ASXL2: variants seen among roughly 807,000 people sequenced by gnomAD.
The protein encoded by ASXL2 is putative Polycomb group protein ASXL2.
In ASXL2, 23 loss-of-function variants were observed where a neutral mutation model predicts 122.0. That is an observed-to-expected ratio of 0.19 (90% CI 0.14 to 0.27). ASXL2 has a LOEUF of 0.27. Ranked by LOEUF, ASXL2 falls within the 10% of genes least tolerant of loss-of-function variation. The probability of loss-of-function intolerance (pLI) is 1.00; values close to 1 mark genes in which losing one functional copy is unlikely to be tolerated. For synonymous variants in ASXL2, 650 were observed against 637.0 expected, an observed-to-expected ratio of 1.02 and a Z score of -0.31; for missense variants, 1,518 against 1,713.8, an observed-to-expected ratio of 0.89 and a Z score of 2.02.
intron 9 of ASXL2, 132 bp downstream of exon 9, chr2:25,759,350 A>T: frequency 1.1e-6 from 1 of 926,472 alleles, no homozygotes; most frequent in Non-Finnish European, 1.5e-6. Flanking sequence ...TTTTTTCCTA[A>T]GCCTTAAAAA....
At chr2:25,845,589 ATTATTTC>A in intron 1 of ASXL2, 26 bp from the exon 2 acceptor site, 1 of 980,212 alleles carries the variant, frequency 1.0e-6, no homozygotes, top group Non-Finnish European at 1.4e-6. Flanking sequence ...ATAATAATAA[ATTATTTC>A]TTATTTCAAG....
At chr2:25,794,565 T>C (rs1360590598) in intron 5 of ASXL2, among the ~76,000 whole-genome samples, 1 of 152,208 alleles carries the variant, frequency 6.6e-6, no homozygotes, top group African/African-American at 2.4e-5. Flanking sequence ...GTCTTCCACT[T>C]TACACAGAAA....
intron 3 of ASXL2, among the ~76,000 whole-genome samples, chr2:25,814,909 A>G (rs75680827): frequency 0.035 from 5,273 of 152,216 alleles, 159 homozygotes; most frequent in African/African-American, 0.08. Context: ...CACTTTAAAC[A>G]CCCTTAATTT....
At position 25,743,389 on chromosome 2, in the gene ASXL2, G is replaced by A. The variant is rs773667768; in HGVS notation, c.2948C>T (p.Thr983Ile). ...TCCCATCCCCCTTTCCTCTTTTGCA[G>A]TCAGTGGAACCGTTTTCATTTCAAC... The part of the protein sequence containing the change: ...TKVEMKTVPL[T>I]AKEERGMGAL... The change falls in exon 13 of 13, where the codon ACT becomes ATT. Residue 983 changes from threonine (T) to isoleucine (I), a missense_variant. Thr to Ile is a moderately conservative substitution (Grantham distance 89). Transcript: ENST00000435504. 1 of 1,613,958 alleles carries A rather than the reference G, an allele frequency of 6.2e-7. No homozygotes were observed. Among genetic ancestry groups the A allele is most frequent in the Admixed American group, 1.7e-5 (1 of 60,024 alleles).
At chr2:25,783,515 A>T (rs1446517084) in intron 5 of ASXL2, among the ~76,000 whole-genome samples, 1 of 149,804 alleles carries the variant, frequency 6.7e-6, no homozygotes, top group Non-Finnish European at 1.5e-5. Context: ...CATTTTTTTT[A>T]TTATAAATTA....
rs563741243 is a variant in ASXL2, at chr2:25,759,566, T to C, written c.855A>G (p.Ala285=). 1.9e-6 allele frequency: 3 copies of C among 1,613,992 alleles called. No individual in the cohort carries two copies. The highest frequency in any genetic ancestry group is 1.7e-5 in the Admixed American group (1 of 60,028). Residue 285 remains alanine (A), a synonymous_variant, in exon 9 of 13, where the codon GCA becomes GCG. Coordinates refer to ENST00000435504, the MANE Select transcript of ASXL2 (RefSeq NM_018263.6). ...CTGAAAATGTGTGCTTGTTGATCAG[T>C]GCTCGCAGATTTGTATTAACCAGAA... The part of the protein sequence containing the change: ...DSILVNTNLR[A]LINKHTFSVL...
At chr2:25,874,152 T>G (rs2089991480) in intron 1 of ASXL2, among the ~76,000 whole-genome samples, 1 of 151,986 alleles carries the variant, frequency 6.6e-6, no homozygotes, top group Non-Finnish European at 1.5e-5. Context: ...AAGACCAGCC[T>G]GGGAAACTTG....
rs1362800922 is a variant in ASXL2 at position 25,740,901 on chromosome 2, A to T, written c.*1128T>A. ...TCCTGTTCAGATGCCTGGGAGGTCA[A>T]AACAGGTTGAACAGAATGAACAAAT... On this transcript the variant is annotated 3_prime_UTR_variant, in exon 13 of 13. Transcript: ENST00000435504. 1 of 192,050 alleles carries T rather than the reference A, an allele frequency of 5.2e-6. No individual in the cohort carries two copies. The highest frequency in any genetic ancestry group is 1.1e-5 in the Non-Finnish European group (1 of 91,910). The allele number at this position is 192,050 out of a possible 1,614,324, so 11.9% of individuals were successfully genotyped here.
chr2:25,767,055 G>A (rs910661460), intron 8 of ASXL2, among the ~76,000 whole-genome samples: 1 of 152,008 alleles, frequency 6.6e-6, no homozygotes, highest in Non-Finnish European at 1.5e-5. Flanking sequence ...GACATCTCTT[G>A]CCCAGCTGTG....
At chr2:25,842,812 G>GT (rs1169367029) in intron 2 of ASXL2, among the ~76,000 whole-genome samples, 6 of 148,640 alleles carry the variant, frequency 4.0e-5, no homozygotes, top group Non-Finnish European at 6.0e-5. Flanking sequence ...ATATATATAT[G>GT]TTTTTTTTGT....
intron 5 of ASXL2, among the ~76,000 whole-genome samples, chr2:25,790,501 A>C (rs1304787822): frequency 6.6e-6 from 1 of 152,106 alleles, no homozygotes; most frequent in East Asian, 1.9e-4. Context: ...CTTTTCTCAC[A>C]AAGTGGTACT....
chr2:25,778,537 T>A (rs1278404736), intron 5 of ASXL2, among the ~76,000 whole-genome samples: 1 of 152,216 alleles, frequency 6.6e-6, no homozygotes, highest in African/African-American at 2.4e-5. Context: ...TTCAGAAAAC[T>A]CATACAATAC....
rs1395365235 is a variant in ASXL2, at chr2:25,737,066, A to C, written c.*4963T>G. The C allele has an allele frequency of 6.6e-6, 1 of 152,146 alleles. No individual in the cohort carries two copies. The highest frequency in any genetic ancestry group is 2.4e-5 in the African/African-American group (1 of 41,432). The allele number at this position is 152,146 out of a possible 1,614,324, so 9.4% of individuals were successfully genotyped here. Reference sequence around the variant, plus strand: ...TACCCTTCCTGACCCAGAGGAGTTCAAAATTCAAGTGTCAAATGCTGAAAT... The same window carrying C: ...TACCCTTCCTGACCCAGAGGAGTTCCAAATTCAAGTGTCAAATGCTGAAAT... On this transcript the variant is annotated 3_prime_UTR_variant, in exon 13 of 13. Coordinates refer to ENST00000435504, the MANE Select transcript of ASXL2 (RefSeq NM_018263.6).
Position 25,743,134 on chromosome 2 carries a change from T to C in ASXL2, c.3203A>G (p.Gln1068Arg). The C allele has an allele frequency of 6.2e-7, 1 of 1,614,054 alleles. No individual in the cohort carries two copies. The highest frequency in any genetic ancestry group is 8.5e-7 in the Non-Finnish European group (1 of 1,179,908). ...LSKATQDQILQTLIQRVRRQN... is the reference protein window; with the variant it reads ...LSKATQDQILRTLIQRVRRQN... Reference sequence around the variant, plus strand: ...CCTCCGAACCCTCTGAATGAGAGTCTGAAGGATCTGATCTTGGGTTGCTTT... The same window carrying C: ...CCTCCGAACCCTCTGAATGAGAGTCCGAAGGATCTGATCTTGGGTTGCTTT... The change falls in exon 13 of 13, where the codon CAG (glutamine) becomes CGG (arginine). Residue 1068 changes from glutamine (Q) to arginine (R), a missense_variant. This residue lies in a region of ASXL2 where 831 missense variants were observed against 833.1 expected (regional missense o/e 1.00). Transcript: ENST00000435504.
intron 8 of ASXL2, among the ~76,000 whole-genome samples, chr2:25,765,860 T>C (rs368067031): frequency 2.0e-5 from 3 of 152,230 alleles, no homozygotes; most frequent in South Asian, 2.1e-4. Context: ...ATTTCTTCCA[T>C]AGATATTTAA....
chr2:25,841,205 G>A (rs1044391016), intron 2 of ASXL2, among the ~76,000 whole-genome samples: 1 of 152,108 alleles, frequency 6.6e-6, no homozygotes, highest in Non-Finnish European at 1.5e-5. Flanking sequence ...CTGAGGTCAT[G>A]GGACTGCTTG....
In ASXL2 at chr2:25,833,762, A is replaced by C. The variant is rs144225441; in HGVS notation, c.143+1776T>G. Among the ~76,000 whole-genome samples, 767 of 152,174 alleles carry C rather than the reference A, an allele frequency of 5.0e-3. 5 individuals carry two copies. The highest frequency in any genetic ancestry group is 8.6e-3 in the Admixed American group (131 of 15,292). ...TCCCCTACTGGAAATAGTCTTGGTAAGACTGTCCATCAAGATATCTCACCA... is the reference window on the plus strand; with the variant it reads ...TCCCCTACTGGAAATAGTCTTGGTACGACTGTCCATCAAGATATCTCACCA... On this transcript the variant is annotated intron_variant, in intron 3 of 12. Coordinates refer to ENST00000435504, the MANE Select transcript of ASXL2 (RefSeq NM_018263.6).
intron 3 of ASXL2, among the ~76,000 whole-genome samples, chr2:25,812,345 A>G (rs1165584738): frequency 6.6e-6 from 1 of 152,010 alleles, no homozygotes; most frequent in Non-Finnish European, 1.5e-5. Context: ...CTGTAATCCC[A>G]GCTACTCGGA....
intron 6 of ASXL2, among the ~76,000 whole-genome samples, chr2:25,771,063 C>T (rs1194935250): frequency 6.6e-6 from 1 of 152,046 alleles, no homozygotes; most frequent in African/African-American, 2.4e-5. Flanking sequence ...TGGTGAAACC[C>T]TGTCTCTACT....
Sources: gnomAD v4.1 joint callset for allele counts (sites outside exome capture counted in the v4.1 genomes callset) on GRCh38, gnomAD v4.1.1 for gene constraint, gnomAD v4.1.1 regional missense constraint, MANE v1.5 for transcripts, NCBI Gene and HGNC (gene_info 2026-07-23, HGNC 2026-07-21) for gene names.